Variants in HDAC9 observed in about 807,000 individuals in gnomAD.
The protein encoded by HDAC9 is histone deacetylase 9.
A neutral mutation model predicts 139.4 loss-of-function variants in HDAC9; 41 were observed. That is an observed-to-expected ratio of 0.29 (90% CI 0.23 to 0.38). The LOEUF (loss-of-function observed/expected upper bound fraction) is 0.38, where lower values mean the gene tolerates loss of function less well. Among genes scored for constraint, HDAC9 ranks in the 10% least tolerant of loss-of-function variants. The probability of loss-of-function intolerance (pLI) is 1.00; values close to 1 mark genes in which losing one functional copy is unlikely to be tolerated. For synonymous variants in HDAC9, 517 were observed against 476.2 expected, an observed-to-expected ratio of 1.09 and a Z score of -1.12; for missense variants, 1,147 against 1,297.0, an observed-to-expected ratio of 0.88 and a Z score of 1.78.
chr7:18,123,397 C>T (rs991198310), intron 1 of HDAC9, among the ~76,000 whole-genome samples: 4 of 152,092 alleles, frequency 2.6e-5, no homozygotes, highest in East Asian at 1.9e-4. Flanking sequence ...GGAACAGAGT[C>T]GTATGAAATT....
intron 2 of HDAC9, among the ~76,000 whole-genome samples, chr7:18,279,112 A>G (rs566620163): frequency 4.4e-4 from 67 of 152,360 alleles, no homozygotes; most frequent in African/African-American, 1.4e-3. Flanking sequence ...ACCAAATAAC[A>G]AAATCCAGTC....
chr7:18,364,262 A>G (rs1784008333), intron 1 of HDAC9, among the ~76,000 whole-genome samples: 2 of 152,106 alleles, frequency 1.3e-5, no homozygotes, highest in Non-Finnish European at 2.9e-5. Context: ...AGTGTTAGTA[A>G]TGGTACCTCC....
chr7:18,841,460 T>A (rs544303843), intron 21 of HDAC9, among the ~76,000 whole-genome samples: 4 of 152,216 alleles, frequency 2.6e-5, no homozygotes, highest in Admixed American at 1.3e-4. Flanking sequence ...TTCATTTTTT[T>A]AAAAAGCTTT....
chr7:18,813,071 C>G (rs538793791), intron 17 of HDAC9, among the ~76,000 whole-genome samples: 2 of 152,160 alleles, frequency 1.3e-5, no homozygotes, highest in East Asian at 3.9e-4. Flanking sequence ...GATTGTTTGA[C>G]ATGCTTATAA....
chr7:18,777,546 A>T (rs765497979), intron 16 of HDAC9, among the ~76,000 whole-genome samples: 29 of 151,926 alleles, frequency 1.9e-4, no homozygotes, highest in Non-Finnish European at 2.6e-4. Flanking sequence ...TTCGTGTTGT[A>T]TTTATATAGT....
chr7:18,430,061 G>A (rs1790498357), intron 1 of HDAC9, among the ~76,000 whole-genome samples: 1 of 151,912 alleles, frequency 6.6e-6, no homozygotes, highest in Admixed American at 6.6e-5. Flanking sequence ...ATCCTTTTTT[G>A]ATATTAGGAC....
chr7:18,394,700 C>G (rs1317176683), intron 1 of HDAC9, among the ~76,000 whole-genome samples: 1 of 152,040 alleles, frequency 6.6e-6, no homozygotes. Flanking sequence ...CATTTCATTT[C>G]TGTTGAAATT....
At chr7:18,833,678 G>T (rs73312692) in intron 19 of HDAC9, among the ~76,000 whole-genome samples, 4,077 of 152,046 alleles carry the variant, frequency 0.027, 105 homozygotes, top group African/African-American at 0.06. Context: ...TTTTTTTCCT[G>T]ATGATGTATG....
intron 12 of HDAC9, among the ~76,000 whole-genome samples, chr7:18,671,299 C>G (rs1008718105): frequency 2.6e-5 from 4 of 151,918 alleles, no homozygotes; most frequent in African/African-American, 9.7e-5. Flanking sequence ...ACAATCCTCT[C>G]GAGGGAAACA....
chr7:18,795,257 T>TAAAAAAAAAAAAAAAAAAA (rs5882676), intron 17 of HDAC9, among the ~76,000 whole-genome samples: 125 of 65,500 alleles, frequency 1.9e-3, no homozygotes, highest in Middle Eastern at 0.029. Flanking sequence ...AAGAAAACAG[T>TAAAAAAAAAAAAAAAAAAA]AAAAAAAAAA....
intron 1 of HDAC9, among the ~76,000 whole-genome samples, chr7:18,473,361 C>G (rs552362152): frequency 6.6e-6 from 1 of 152,290 alleles, no homozygotes; most frequent in African/African-American, 2.4e-5. Context: ...GTTTTCGATT[C>G]TTTCTTTTAT....
At position 18,634,633 on chromosome 7, in the gene HDAC9, C is replaced by T; in HGVS notation, c.803C>T (p.Ser268Leu). 3 of 1,570,716 alleles carry T rather than the reference C, an allele frequency of 1.9e-6. No homozygotes were observed. The highest frequency in any genetic ancestry group is 2.6e-6 in the Non-Finnish European group (3 of 1,153,846). ...KKRMFEVTES[S>L]VSSSSPGSGP... ...ACTTCACAATATTTTTCAGAATCCT[C>T]AGTCAGTAGCAGTTCTCCAGGCTCT... The change falls in exon 8 of 26, where the codon TCA becomes TTA. Residue 268 changes from serine to leucine, a missense_variant. Ser to Leu is a moderately radical substitution (Grantham distance 145). Coordinates refer to ENST00000686413, the MANE Select transcript of HDAC9 (RefSeq NM_178425.4).
At chr7:18,725,720 G>T (rs932271382) in intron 12 of HDAC9, among the ~76,000 whole-genome samples, 1 of 152,076 alleles carries the variant, frequency 6.6e-6, no homozygotes, top group Non-Finnish European at 1.5e-5. Context: ...TCCTTTTCCC[G>T]ACATAACCCC....
At chr7:18,780,916 G>T (rs1398615545) in intron 16 of HDAC9, among the ~76,000 whole-genome samples, 1 of 151,954 alleles carries the variant, frequency 6.6e-6, no homozygotes, top group African/African-American at 2.4e-5. Flanking sequence ...TCTGTATTTG[G>T]CTAGCTAGGG....
chr7:18,816,074 CA>C (rs1441872927), intron 17 of HDAC9, among the ~76,000 whole-genome samples: 1 of 152,174 alleles, frequency 6.6e-6, no homozygotes, highest in Non-Finnish European at 1.5e-5. Context: ...AAAGGCAATA[CA>C]AATAACTGAG....
At chr7:18,661,324 G>A (rs976949256) in intron 11 of HDAC9, among the ~76,000 whole-genome samples, 1 of 152,072 alleles carries the variant, frequency 6.6e-6, no homozygotes, top group Non-Finnish European at 1.5e-5. Flanking sequence ...GGGAATAAAG[G>A]TTATTTTTGA....
At chr7:18,385,409 T>C (rs1785826572) in intron 1 of HDAC9, among the ~76,000 whole-genome samples, 1 of 152,204 alleles carries the variant, frequency 6.6e-6, no homozygotes, top group African/African-American at 2.4e-5. Context: ...TGCTAGTGAA[T>C]GTAGCCAGTT....
chr7:18,771,961 T>C (rs1253369581), intron 16 of HDAC9, among the ~76,000 whole-genome samples: 1 of 152,076 alleles, frequency 6.6e-6, no homozygotes, highest in Non-Finnish European at 1.5e-5. Context: ...ATAAGGCTTG[T>C]TGTTGATGAC....
intron 13 of HDAC9, among the ~76,000 whole-genome samples, chr7:18,741,019 C>T (rs1409843519): frequency 1.3e-5 from 2 of 152,122 alleles, no homozygotes; most frequent in African/African-American, 2.4e-5. Context: ...AAGTTGAAAG[C>T]CAGCAGAGGT....
Sources: gnomAD v4.1 joint callset for allele counts (sites outside exome capture counted in the v4.1 genomes callset) on GRCh38, gnomAD v4.1.1 for gene constraint, MANE v1.5 for transcripts, NCBI Gene and HGNC (gene_info 2026-07-23, HGNC 2026-07-21) for gene names.